The following SENP6 variants were observed in gnomAD, a reference collection of about 807,000 sequenced individuals.
SENP6 encodes the protein SUMO specific peptidase 6, also known as sentrin-specific protease 6.
SENP6 carries 41 observed loss-of-function variants against 134.5 expected under a neutral mutation model. The observed-to-expected ratio is 0.30, with a 90% CI of 0.24 to 0.40. The LOEUF (loss-of-function observed/expected upper bound fraction) is 0.40, where lower values mean the gene tolerates loss of function less well. Among genes scored for constraint, SENP6 ranks in the 10% least tolerant of loss-of-function variants. The pLI is 1.00. For synonymous variants in SENP6, 395 were observed against 429.8 expected (o/e 0.92, Z 1.00); for missense variants, 1,248 against 1,312.5 (o/e 0.95, Z 0.76).
chr6:75,646,787 G>A (rs1467912389), intron 6 of SENP6: 1 of 151,850 alleles, frequency 6.6e-6, no homozygotes, highest in African/African-American at 2.4e-5. Context: ...AGTGAGCCGA[G>A]GTCATGCCAC....
At chr6:75,603,071 C>T (rs79559517) in intron 1 of SENP6, among the ~76,000 whole-genome samples, 2,428 of 152,232 alleles carry the variant, frequency 0.016, 67 homozygotes, top group African/African-American at 0.056. Context: ...AGCCAGCCTT[C>T]AGATTAGGCC....
intron 16 of SENP6, among the ~76,000 whole-genome samples, chr6:75,690,692 G>T (rs1207067588): frequency 3.0e-5 from 4 of 133,254 alleles, no homozygotes; most frequent in Non-Finnish European, 5.1e-5. Context: ...TGGTTTTTTT[G>T]TTTTTTGTTT....
Position 75,602,330 on chromosome 6 carries a change from G to A in SENP6, c.-195G>A. On this transcript the variant is annotated 5_prime_UTR_variant, in exon 1 of 24. Coordinates refer to ENST00000447266, the MANE Select transcript of SENP6 (RefSeq NM_015571.4). ...CGCGGGCCTCGCTGCCCGCCAGCCC[G>A]CGGACAGGCCCGGGCGCGCCTGGCC... The A allele has an allele frequency of 4.0e-6, 2 of 497,966 alleles. No homozygotes were observed. Among genetic ancestry groups the A allele is most frequent in the Non-Finnish European group, 3.4e-6 (1 of 292,888 alleles). The allele number at this position is 497,966 out of a possible 1,614,324, so 30.8% of individuals were successfully genotyped here.
chr6:75,666,838 T>C lies in SENP6; in HGVS notation c.1121T>C (p.Leu374Pro). 1.2e-6 allele frequency: 2 copies of C among 1,613,764 alleles called. No individual in the cohort carries two copies. Among genetic ancestry groups the C allele is most frequent in the Non-Finnish European group, 1.7e-6 (2 of 1,179,698 alleles). ...TCCACTGGAAAAGTAGAAGCAGCGCTAAATGAAAATACTTGCAGAGCAGAG... is the reference window on the plus strand; with the variant it reads ...TCCACTGGAAAAGTAGAAGCAGCGCCAAATGAAAATACTTGCAGAGCAGAG... ...APSTGKVEAA[L>P]NENTCRAERE... The change falls in exon 10 of 24, where the codon CTA (leucine) becomes CCA (proline). Residue 374 changes from leucine to proline, a missense_variant. By Grantham distance (98) the Leu-to-Pro change is moderately conservative (BLOSUM62 -3). Around this residue, in one of 3 missense-constraint regions of SENP6, gnomAD observed 733 missense variants for 725.4 expected, o/e 1.01. Transcript: ENST00000447266.
At position 75,606,876 on chromosome 6, in the gene SENP6, A is replaced by G. The variant is rs185411951; in HGVS notation, c.52+4300A>G. 4.6e-5 allele frequency among the ~76,000 whole-genome samples: 7 copies of G among 152,322 alleles called. No homozygotes were observed. In the East Asian group the frequency reaches 1.4e-3, roughly 29 times the overall value. On this transcript the variant is annotated intron_variant, in intron 1 of 23. Coordinates refer to ENST00000447266, the MANE Select transcript of SENP6 (RefSeq NM_015571.4). ...ACCTGAAATCATGAGAATTGGATCT[A>G]ATCAGGGTGGTTTGAAGTGGGTATT...
chr6:75,667,994 A>G (rs1454287152), intron 10 of SENP6, among the ~76,000 whole-genome samples: 3 of 152,186 alleles, frequency 2.0e-5, no homozygotes, highest in African/African-American at 4.8e-5. Context: ...GTTAAATTCT[A>G]TATGTATGTG....
rs1776028966 is a variant in SENP6 at position 75,716,546 on chromosome 6, G to T, written c.*952G>T. 1 of 151,840 alleles carries T rather than the reference G, an allele frequency of 6.6e-6. No individual in the cohort carries two copies. Among genetic ancestry groups the T allele is most frequent in the South Asian group, 2.1e-4 (1 of 4,826 alleles). 9.4% of individuals were successfully genotyped at this position (151,840 alleles called of 1,614,324 possible). A position where few individuals can be genotyped will look rare whatever the true frequency, so the allele number is the denominator to read the frequency against. Reference sequence around the variant, plus strand: ...TCAGACTTTTTGCTTGAGTTCTTCAGTGTAAATTATTTTTTACATGTAAAA... The same window carrying T: ...TCAGACTTTTTGCTTGAGTTCTTCATTGTAAATTATTTTTTACATGTAAAA... On this transcript the variant is annotated 3_prime_UTR_variant, in exon 24 of 24. Coordinates refer to ENST00000447266, the MANE Select transcript of SENP6 (RefSeq NM_015571.4).
At chr6:75,626,491 T>C (rs1768704530) in intron 3 of SENP6, among the ~76,000 whole-genome samples, 1 of 152,156 alleles carries the variant, frequency 6.6e-6, no homozygotes, top group African/African-American at 2.4e-5. Flanking sequence ...TATTGTTATA[T>C]AGTACTTCAT....
At chr6:75,611,738 C>T (rs567904920) in intron 1 of SENP6, 1 of 152,302 alleles carries the variant, frequency 6.6e-6, no homozygotes, top group Admixed American at 6.5e-5. Context: ...GCCAACTGCA[C>T]TGCTTTGGAA....
chr6:75,665,083 A>G (rs943202084), intron 9 of SENP6, among the ~76,000 whole-genome samples: 4 of 151,986 alleles, frequency 2.6e-5, no homozygotes, highest in Admixed American at 6.6e-5. Context: ...TCAGGAGATC[A>G]AGACCATCCT....
intron 16 of SENP6, chr6:75,679,973 A>G (rs192942640): frequency 6.6e-6 from 1 of 152,258 alleles, no homozygotes; most frequent in African/African-American, 2.4e-5. Context: ...GAGAAATGAT[A>G]TCATAATTGA....
chr6:75,609,523 A>G (rs971649885), intron 1 of SENP6, among the ~76,000 whole-genome samples: 1 of 152,316 alleles, frequency 6.6e-6, no homozygotes, highest in East Asian at 1.9e-4. Context: ...ATTTGCAGCT[A>G]TCTTTAATCT....
intron 7 of SENP6, 65 bp downstream of exon 7, chr6:75,647,866 G>T: frequency 8.2e-7 from 1 of 1,226,634 alleles, no homozygotes; most frequent in Non-Finnish European, 1.2e-6. Context: ...GTACAATGGA[G>T]ATACGATGCT....
rs771518387 is a variant in SENP6 at position 75,634,826 on chromosome 6, T to G, written c.458+15T>G. 6.6e-7 allele frequency: 1 copy of G among 1,523,870 alleles called. No homozygotes were observed. Among genetic ancestry groups the G allele is most frequent in the Non-Finnish European group, 9.0e-7 (1 of 1,109,806 alleles). The allele number at this position is 1,523,870 out of a possible 1,614,324, so 94.4% of individuals were successfully genotyped here. A position where few individuals can be genotyped will look rare whatever the true frequency, so the allele number is the denominator to read the frequency against. ...GCAGCCCAAAGGTAAGAATTCTAAT[T>G]GTCTTTGGTTAGTATATACATGGCA... On this transcript the variant is annotated intron_variant, in intron 5 of 23. Coordinates refer to ENST00000447266, the MANE Select transcript of SENP6 (RefSeq NM_015571.4).
intron 18 of SENP6, among the ~76,000 whole-genome samples, chr6:75,701,800 C>T (rs1402902084): frequency 2.0e-5 from 3 of 151,912 alleles, no homozygotes; most frequent in Non-Finnish European, 4.4e-5. Context: ...CTACCACGCC[C>T]AGCTAATTTT....
At chr6:75,635,132 C>A (rs1431116195) in intron 5 of SENP6, 1 of 369,476 alleles carries the variant, frequency 2.7e-6, no homozygotes, top group East Asian at 6.4e-5. Context: ...GGTAGTTTAG[C>A]TCTGAAGAGT....
At chr6:75,606,897 G>A (rs1767068828) in intron 1 of SENP6, among the ~76,000 whole-genome samples, 1 of 152,308 alleles carries the variant, frequency 6.6e-6, no homozygotes, top group African/African-American at 2.4e-5. Context: ...TTTGAAGTGG[G>A]TATTAGAGAA....
chr6:75,619,504 T>A (rs2149827277), intron 1 of SENP6, among the ~76,000 whole-genome samples: 1 of 152,176 alleles, frequency 6.6e-6, no homozygotes, highest in Non-Finnish European at 1.5e-5. Context: ...GTATTTTGTT[T>A]ATTAATCTGT....
intron 16 of SENP6, among the ~76,000 whole-genome samples, chr6:75,695,004 A>T (rs1012701008): frequency 6.6e-6 from 1 of 151,754 alleles, no homozygotes; most frequent in African/African-American, 2.4e-5. Context: ...CCTCCCAAGT[A>T]GCTGGGATTA....
Sources: gnomAD v4.1 joint callset for allele counts (sites outside exome capture counted in the v4.1 genomes callset) on GRCh38, gnomAD v4.1.1 for gene constraint, gnomAD v4.1.1 regional missense constraint, MANE v1.5 for transcripts, NCBI Gene and HGNC (gene_info 2026-07-23, HGNC 2026-07-21) for gene names.